Variants in TBC1D31 observed in about 807,000 individuals in gnomAD.
TBC1D31 encodes WD repeat domain 67.
Under a neutral mutation model 132.9 loss-of-function variants are expected in TBC1D31, and 99 were observed. The ratio of observed to expected loss-of-function variants is 0.74; its 90% CI spans 0.63 to 0.88. TBC1D31 has a LOEUF of 0.88. Among genes scored for constraint, TBC1D31 ranks in the 40% least tolerant of loss-of-function variants. TBC1D31 has a pLI of 0.00. For missense variants in TBC1D31, 1,134 were observed against 1,256.6 expected (o/e 0.90, Z 1.48); for synonymous variants, 385 against 419.4 (o/e 0.92, Z 1.00).
downstream of TBC1D31, among the ~76,000 whole-genome samples, chr8:123,152,400 C>G (rs879477746): frequency 6.6e-6 from 1 of 152,134 alleles, no homozygotes; most frequent in Non-Finnish European, 1.5e-5. Flanking sequence ...GGGACCCCAC[C>G]GGACTTGTAA....
intron 17 of TBC1D31, among the ~76,000 whole-genome samples, chr8:123,140,003 G>C (rs529971060): frequency 2.7e-4 from 41 of 152,274 alleles, no homozygotes; most frequent in South Asian, 1.2e-3. Flanking sequence ...TGGTTTGAAG[G>C]ATCTCCGTCC....
chr8:123,073,886 A>G (rs959667608), intron 1 of TBC1D31, among the ~76,000 whole-genome samples: 3 of 151,042 alleles, frequency 2.0e-5, no homozygotes, highest in African/African-American at 7.3e-5. Flanking sequence ...GGGTTTCACC[A>G]TGTTGGCCAG....
the TBC1D31 span, among the ~76,000 whole-genome samples, chr8:123,157,408 C>A: frequency 6.6e-6 from 1 of 152,148 alleles, no homozygotes; most frequent in Non-Finnish European, 1.5e-5. Flanking sequence ...CCAGAATACT[C>A]GGAATTCTAG....
chr8:123,157,550 G>C, the TBC1D31 span, among the ~76,000 whole-genome samples: 1 of 152,056 alleles, frequency 6.6e-6, no homozygotes, highest in Non-Finnish European at 1.5e-5. Context: ...CGTTATTTTT[G>C]TGTAGTGCGT....
the TBC1D31 span, among the ~76,000 whole-genome samples, chr8:123,163,934 A>C: frequency 6.6e-6 from 1 of 152,036 alleles, no homozygotes. Context: ...CCAGACAGAA[A>C]CTCTGTGCTC....
intron 10 of TBC1D31, among the ~76,000 whole-genome samples, chr8:123,113,909 C>T (rs1009130675): frequency 2.0e-5 from 3 of 152,042 alleles, no homozygotes; most frequent in Admixed American, 2.0e-4. Context: ...AATGAGTGAG[C>T]CTTTTTTTTC....
Position 123,152,136 on chromosome 8 carries a change from G to C in TBC1D31, c.*197G>C. ...TTCTTGAACTTTTTACAATAAAAAT[G>C]TTTTAGAAACTGTTAAAGCTGTGTT... is the stretch of plus-strand genomic sequence containing the variant. On this transcript the variant is annotated 3_prime_UTR_variant, in exon 22 of 22. Coordinates refer to ENST00000287380, the MANE Select transcript of TBC1D31 (RefSeq NM_145647.4). The C allele has an allele frequency of 2.1e-6, 1 of 471,290 alleles. No homozygotes were observed. The highest frequency in any genetic ancestry group is 3.4e-6 in the Non-Finnish European group (1 of 292,988). The allele number at this position is 471,290 out of a possible 1,614,324, so 29.2% of individuals were successfully genotyped here.
downstream of TBC1D31, among the ~76,000 whole-genome samples, chr8:123,152,322 G>T (rs538467437): frequency 6.6e-6 from 1 of 152,150 alleles, no homozygotes; most frequent in African/African-American, 2.4e-5. Flanking sequence ...CGCCAGCAGC[G>T]TGGAGTGGCC....
chr8:123,091,821 T>C (rs755649295), intron 4 of TBC1D31, among the ~76,000 whole-genome samples: 1 of 152,210 alleles, frequency 6.6e-6, no homozygotes, highest in South Asian at 2.1e-4. Context: ...GCTTATGTGA[T>C]AGAAAAATGA....
chr8:123,113,064 G>A (rs1818598625), intron 10 of TBC1D31, among the ~76,000 whole-genome samples: 1 of 152,134 alleles, frequency 6.6e-6, no homozygotes, highest in African/African-American at 2.4e-5. Flanking sequence ...CTTCAAAAAT[G>A]ATGATTTTGT....
In TBC1D31 at chr8:123,092,843, A is replaced by T. The variant is rs544439382; in HGVS notation, c.520-748A>T. The stretch of plus-strand genomic sequence containing the variant: ...TTTTTTTTTTTTGAGACGAAGGCTC[A>T]CTCCCTCACCCAGGCTAAAGTGCGG... On this transcript the variant is annotated intron_variant, in intron 4 of 21. Coordinates refer to ENST00000287380, the MANE Select transcript of TBC1D31 (RefSeq NM_145647.4). 2.7e-5 allele frequency among the ~76,000 whole-genome samples: 3 copies of T among 112,178 alleles called. 1 individual carries two copies. The South Asian group carries it at 8.5e-4, about 32-fold the overall frequency. 73.6% of individuals were successfully genotyped at this position (112,178 alleles called of 152,430 possible). A position where few individuals can be genotyped will look rare whatever the true frequency, so the allele number is the denominator to read the frequency against.
intron 18 of TBC1D31, 98 bp downstream of exon 18, chr8:123,140,999 GT>G: frequency 8.6e-7 from 1 of 1,159,562 alleles, no homozygotes; most frequent in Non-Finnish European, 1.3e-6. Flanking sequence ...GTGAAGTTGA[GT>G]TAGTTTGTTT....
At chr8:123,109,660 A>G (rs1204917349) in intron 10 of TBC1D31, 40 bp downstream of exon 10, 1 of 1,510,220 alleles carries the variant, frequency 6.6e-7, no homozygotes, top group African/African-American at 1.4e-5. Context: ...TGAGACCTGT[A>G]ACTAATAATT....
At chr8:123,128,781 C>A (rs529560340) in intron 14 of TBC1D31, among the ~76,000 whole-genome samples, 3 of 151,802 alleles carry the variant, frequency 2.0e-5, no homozygotes, top group South Asian at 4.2e-4. Flanking sequence ...GAAGCTGAGG[C>A]AGGAGAATCA....
At chr8:123,081,430 G>T (rs1815137784) in intron 2 of TBC1D31, among the ~76,000 whole-genome samples, 1 of 152,128 alleles carries the variant, frequency 6.6e-6, no homozygotes, top group African/African-American at 2.4e-5. Flanking sequence ...TTGAGCCCTT[G>T]AAAAGTGATT....
intron 13 of TBC1D31, chr8:123,128,053 CCTT>C: frequency 3.0e-6 from 1 of 336,330 alleles, no homozygotes; most frequent in Non-Finnish European, 5.3e-6. Flanking sequence ...GTAAGAAAAG[CCTT>C]CATTTTTTAA....
intron 4 of TBC1D31, among the ~76,000 whole-genome samples, chr8:123,091,690 A>ATG (rs1484618923): frequency 1.3e-5 from 2 of 152,322 alleles, no homozygotes; most frequent in African/African-American, 4.8e-5. Context: ...TGCATTATAT[A>ATG]TGTGTGTGTG....
At chr8:123,077,617 C>T (rs1814678200) in intron 2 of TBC1D31, among the ~76,000 whole-genome samples, 3 of 151,490 alleles carry the variant, frequency 2.0e-5, no homozygotes, top group South Asian at 2.1e-4. Context: ...CTGCAAACTC[C>T]GCCTCCCAGG....
intron 2 of TBC1D31, among the ~76,000 whole-genome samples, chr8:123,077,495 C>A (rs1814650944): frequency 6.8e-6 from 1 of 146,020 alleles, no homozygotes; most frequent in African/African-American, 2.5e-5. Flanking sequence ...TAGTAGTTTC[C>A]TTTTTTTTTT....
Sources: allele counts gnomAD v4.1 joint callset (sites outside exome capture counted in the v4.1 genomes callset), GRCh38; gene constraint gnomAD v4.1.1; transcripts MANE v1.5; gene names NCBI Gene and HGNC (gene_info 2026-07-23, HGNC 2026-07-21).